GLRX3: variants seen among roughly 807,000 people sequenced by gnomAD.
GLRX3 encodes glutaredoxin-3.
Under a neutral mutation model 49.5 loss-of-function variants are expected in GLRX3, and 22 were observed. That is an observed-to-expected ratio of 0.44 (90% CI 0.32 to 0.63). The LOEUF (loss-of-function observed/expected upper bound fraction) is 0.63, where lower values mean the gene tolerates loss of function less well. Among genes scored for constraint, GLRX3 ranks in the 30% least tolerant of loss-of-function variants. GLRX3 has a pLI of 0.05. For missense variants in GLRX3, 385 were observed against 396.3 expected, an observed-to-expected ratio of 0.97 and a Z score of 0.24; for synonymous variants, 133 against 140.0, an observed-to-expected ratio of 0.95 and a Z score of 0.35.
chr10:130,144,481 C>G (rs546669529), intron 1 of GLRX3, among the ~76,000 whole-genome samples: 5 of 152,036 alleles, frequency 3.3e-5, no homozygotes, highest in Admixed American at 6.6e-5. Context: ...CTGACAGGCC[C>G]TGGTATGTGA....
intron 2 of GLRX3, among the ~76,000 whole-genome samples, chr10:130,155,063 C>T (rs1329693628): frequency 4.6e-5 from 7 of 152,040 alleles, no homozygotes; most frequent in Non-Finnish European, 8.8e-5. Context: ...CCCCAAACTT[C>T]CGAGCTCAAG....
At chr10:130,152,930 A>G (rs1235005536) in intron 2 of GLRX3, among the ~76,000 whole-genome samples, 1 of 152,138 alleles carries the variant, frequency 6.6e-6, no homozygotes, top group East Asian at 1.9e-4. Flanking sequence ...TGTCACTTTC[A>G]GGTACACCAA....
intron 2 of GLRX3, 52 bp downstream of exon 2, chr10:130,145,371 G>T: frequency 3.3e-6 from 3 of 898,872 alleles, no homozygotes; most frequent in Non-Finnish European, 5.6e-6. Context: ...TGATTTATGG[G>T]TTAGATTAGG....
rs776592412 is a variant in GLRX3 at position 130,169,537 on chromosome 10, A to T, written c.771+47A>T. On this transcript the variant is annotated intron_variant, in intron 7 of 10. Transcript: ENST00000331244. ...TTATTTGTAATTTCTTTTGATGTTA[A>T]CATCTGCAACAAGGGGACAGTTAAA... 4 of 1,148,570 alleles carry T rather than the reference A, an allele frequency of 3.5e-6. No individual in the cohort carries two copies. The Admixed American group carries it at 6.8e-5, about 19-fold the overall frequency. 71.1% of individuals were successfully genotyped at this position (1,148,570 alleles called of 1,614,324 possible). A position where few individuals can be genotyped will look rare whatever the true frequency, so the allele number is the denominator to read the frequency against.
chr10:130,147,999 C>A (rs1382178452), intron 2 of GLRX3, among the ~76,000 whole-genome samples: 1 of 152,066 alleles, frequency 6.6e-6, no homozygotes, highest in African/African-American at 2.4e-5. Flanking sequence ...CACCACTGGA[C>A]GTAGAGTGAT....
At chr10:130,155,287 C>T (rs73389598) in intron 2 of GLRX3, among the ~76,000 whole-genome samples, 5,773 of 152,172 alleles carry the variant, frequency 0.038, 208 homozygotes, top group East Asian at 0.1. Context: ...GGTCAGTGAC[C>T]TTGTGGGGAA....
At chr10:130,167,978 C>T (rs1367175384) in intron 6 of GLRX3, among the ~76,000 whole-genome samples, 1 of 152,090 alleles carries the variant, frequency 6.6e-6, no homozygotes, top group Non-Finnish European at 1.5e-5. Context: ...GTGTGGTCTC[C>T]AAAGACAGCT....
intron 10 of GLRX3, among the ~76,000 whole-genome samples, chr10:130,175,556 G>C (rs879380055): frequency 2.0e-5 from 3 of 152,142 alleles, no homozygotes; most frequent in Non-Finnish European, 4.4e-5. Context: ...TGAGATGCTT[G>C]GAAATCTGTT....
At chr10:130,150,211 G>T (rs572477989) in intron 2 of GLRX3, among the ~76,000 whole-genome samples, 30 of 146,056 alleles carry the variant, frequency 2.1e-4, no homozygotes, top group Admixed American at 4.9e-4. Context: ...CTGCATTCCA[G>T]CCTGGATAAC....
At chr10:130,144,928 G>A (rs769471480) in intron 1 of GLRX3, among the ~76,000 whole-genome samples, 2 of 152,232 alleles carry the variant, frequency 1.3e-5, no homozygotes, top group Non-Finnish European at 2.9e-5. Flanking sequence ...CCCACCAACA[G>A]TGATTTACAT....
chr10:130,170,988 C>T (rs1483393762), intron 7 of GLRX3, among the ~76,000 whole-genome samples: 2 of 152,070 alleles, frequency 1.3e-5, no homozygotes, highest in South Asian at 2.1e-4. Flanking sequence ...GTTTGCTGGG[C>T]GTGGTGGCGC....
chr10:130,158,487 T>G (rs535632637), intron 2 of GLRX3, among the ~76,000 whole-genome samples: 34 of 152,282 alleles, frequency 2.2e-4, no homozygotes, highest in African/African-American at 8.2e-4. Flanking sequence ...AGTATTGCCT[T>G]TTTTTTGGAT....
chr10:130,144,365 T>G (rs1167482816), intron 1 of GLRX3, among the ~76,000 whole-genome samples: 1 of 150,994 alleles, frequency 6.6e-6, no homozygotes, highest in East Asian at 2.0e-4. Context: ...TAGGTATGCA[T>G]GTGCCATGGT....
At chr10:130,151,556 G>A (rs954421760) in intron 2 of GLRX3, among the ~76,000 whole-genome samples, 6 of 151,162 alleles carry the variant, frequency 4.0e-5, no homozygotes, top group Non-Finnish European at 7.4e-5. Context: ...GGTGTGTGAT[G>A]TTCCCCTCCC....
At chr10:130,146,477 G>A (rs1243260621) in intron 2 of GLRX3, among the ~76,000 whole-genome samples, 2 of 152,174 alleles carry the variant, frequency 1.3e-5, no homozygotes, top group African/African-American at 4.8e-5. Flanking sequence ...CTACATTCCT[G>A]CTGTCTCTCT....
intron 7 of GLRX3, among the ~76,000 whole-genome samples, chr10:130,170,517 G>A (rs1862783607): frequency 6.6e-6 from 1 of 152,132 alleles, no homozygotes; most frequent in Non-Finnish European, 1.5e-5. Context: ...CAGCATGTTG[G>A]AAACATTAGG....
At chr10:130,171,489 G>T (rs1862807345) in intron 7 of GLRX3, 95 bp from the exon 8 acceptor site, 2 of 775,616 alleles carry the variant, frequency 2.6e-6, no homozygotes, top group Admixed American at 1.9e-5. Context: ...AGCTATGCTG[G>T]ACAAGTGCTG....
intron 1 of GLRX3, among the ~76,000 whole-genome samples, chr10:130,142,767 A>T (rs1248031446): frequency 6.6e-6 from 1 of 151,676 alleles, no homozygotes; most frequent in Non-Finnish European, 1.5e-5. Flanking sequence ...TCTTCTCTTG[A>T]CTTCTATGTG....
chr10:130,139,206 C>T (rs1285097419), intron 1 of GLRX3, among the ~76,000 whole-genome samples: 1 of 151,866 alleles, frequency 6.6e-6, no homozygotes, highest in South Asian at 2.1e-4. Context: ...GTATCCTTGC[C>T]GCTGGCCTGT....
Sources: gnomAD v4.1 joint callset for allele counts (sites outside exome capture counted in the v4.1 genomes callset) on GRCh38, gnomAD v4.1.1 for gene constraint, MANE v1.5 for transcripts, NCBI Gene and HGNC (gene_info 2026-07-23, HGNC 2026-07-21) for gene names.